The following GRIA1 variants were observed in gnomAD, a reference collection of about 807,000 sequenced individuals.
The protein encoded by GRIA1 is glutamate receptor 1.
GRIA1 carries 31 observed loss-of-function variants against 99.2 expected under a neutral mutation model. That is an observed-to-expected ratio of 0.31 (90% CI 0.23 to 0.42). The LOEUF (loss-of-function observed/expected upper bound fraction) is 0.42. Ranked by LOEUF, GRIA1 falls within the 10% of genes least tolerant of loss-of-function variation. The pLI is 1.00. For synonymous variants in GRIA1, 438 were observed against 432.4 expected (o/e 1.01, Z -0.16); for missense variants, 782 against 1,157.5 (o/e 0.68, Z 4.71).
intron 11 of GRIA1, among the ~76,000 whole-genome samples, chr5:153,726,617 G>A (rs1366276982): frequency 2.6e-5 from 4 of 152,236 alleles, no homozygotes; most frequent in East Asian, 3.9e-4. Flanking sequence ...ACACCTCTAC[G>A]CAAATAAACT....
chr5:153,794,770 G>A (rs748081445), intron 14 of GRIA1, 35 bp downstream of exon 14: 2 of 1,240,046 alleles, frequency 1.6e-6, no homozygotes, highest in East Asian at 2.3e-5. Flanking sequence ...AACCTAGTGG[G>A]TATGAAATAG....
chr5:153,616,809 A>G (rs1173605160), intron 2 of GRIA1, among the ~76,000 whole-genome samples: 3 of 152,122 alleles, frequency 2.0e-5, no homozygotes, highest in African/African-American at 7.2e-5. Context: ...TGTGGCTATT[A>G]AGATATCTGT....
intron 2 of GRIA1, among the ~76,000 whole-genome samples, chr5:153,557,199 C>A (rs1178751087): frequency 2.0e-5 from 3 of 152,106 alleles, no homozygotes; most frequent in East Asian, 1.9e-4. Flanking sequence ...CATTACTATG[C>A]ACTACTATAG....
intron 11 of GRIA1, among the ~76,000 whole-genome samples, chr5:153,745,604 A>AG (rs1561823702): frequency 4.6e-4 from 69 of 151,190 alleles, no homozygotes; most frequent in African/African-American, 1.6e-3. Context: ...AAAAAAAAAA[A>AG]AAAAAAAAGA....
chr5:153,666,172 TCATGAGAGGGTGAG>T lies in GRIA1; in HGVS notation c.700-8327_700-8314del, dbSNP rs1169110578. Reference sequence around the variant, plus strand: ...GACAGGATTGAAGCTTATAAAAAAATCATGAGAGGGTGAGAAGAAACTTTCTGTTCCTTCATTCC... The same window carrying T: ...GACAGGATTGAAGCTTATAAAAAAATAAGAAACTTTCTGTTCCTTCATTCC... On this transcript the variant is annotated intron_variant, in intron 5 of 15. Transcript: ENST00000285900. Among the ~76,000 whole-genome samples, 51 of 152,208 alleles carry T rather than the reference TCATGAGAGGGTGAG, an allele frequency of 3.4e-4. No homozygotes were observed. In the East Asian group the frequency reaches 9.9e-3, roughly 29 times the overall value.
At chr5:153,560,072 G>A (rs1278786261) in intron 2 of GRIA1, among the ~76,000 whole-genome samples, 1 of 152,144 alleles carries the variant, frequency 6.6e-6, no homozygotes, top group African/African-American at 2.4e-5. Context: ...AGTTTGCATA[G>A]TTTGTAAATG....
chr5:153,563,300 T>G (rs776573837), intron 2 of GRIA1, among the ~76,000 whole-genome samples: 1 of 152,210 alleles, frequency 6.6e-6, no homozygotes, highest in Non-Finnish European at 1.5e-5. Context: ...AGAGTTATTT[T>G]CCAGCCCACG....
chr5:153,811,363 G>A lies in GRIA1; in HGVS notation c.*138G>A. On this transcript the variant is annotated 3_prime_UTR_variant, in exon 16 of 16. Coordinates refer to ENST00000285900, the MANE Select transcript of GRIA1 (RefSeq NM_000827.4). ...CGACCACAAGAAGGATGATTCAACAGGTTTTCCTGAAGAATTGAAAAACCA... is the reference window on the plus strand; with the variant it reads ...CGACCACAAGAAGGATGATTCAACAAGTTTTCCTGAAGAATTGAAAAACCA... 2 of 640,058 alleles carry A rather than the reference G, an allele frequency of 3.1e-6. No individual in the cohort carries two copies. Among genetic ancestry groups the A allele is most frequent in the East Asian group, 5.5e-5 (2 of 36,092 alleles). The allele number at this position is 640,058 out of a possible 1,614,324, so 39.6% of individuals were successfully genotyped here.
chr5:153,776,992 T>C (rs1289659449), intron 13 of GRIA1, among the ~76,000 whole-genome samples: 3 of 152,122 alleles, frequency 2.0e-5, no homozygotes, highest in Non-Finnish European at 2.9e-5. Context: ...ACCCAGAAAA[T>C]AATTGGGAAA....
At chr5:153,671,119 T>A (rs906727195) in intron 5 of GRIA1, among the ~76,000 whole-genome samples, 2 of 152,174 alleles carry the variant, frequency 1.3e-5, no homozygotes, top group Admixed American at 6.5e-5. Context: ...GGGAGTCTTA[T>A]TAGTTTGATC....
At chr5:153,743,531 C>A (rs922862285) in intron 11 of GRIA1, among the ~76,000 whole-genome samples, 2 of 152,144 alleles carry the variant, frequency 1.3e-5, no homozygotes, top group East Asian at 1.9e-4. Context: ...CCACTGGGGA[C>A]CACTCTCAGT....
chr5:153,762,742 T>C (rs1254724898), intron 11 of GRIA1, among the ~76,000 whole-genome samples: 1 of 152,156 alleles, frequency 6.6e-6, no homozygotes, highest in Non-Finnish European at 1.5e-5. Context: ...CAAGTATATC[T>C]CTGTAAATGG....
At chr5:153,581,428 G>A (rs1200892793) in intron 2 of GRIA1, among the ~76,000 whole-genome samples, 2 of 152,060 alleles carry the variant, frequency 1.3e-5, no homozygotes, top group African/African-American at 2.4e-5. Context: ...CACTGTGCTT[G>A]AGCCACACTG....
At chr5:153,583,321 T>A (rs2149377734) in intron 2 of GRIA1, among the ~76,000 whole-genome samples, 1 of 152,238 alleles carries the variant, frequency 6.6e-6, no homozygotes, top group East Asian at 1.9e-4. Context: ...CAACAGAAAC[T>A]CATGGTCTCA....
chr5:153,490,888 T>C lies in GRIA1; in HGVS notation c.-1T>C. ...TCTTTTTCGCCAATGCAAAAAGGAA[T>C]ATGCAGCACATTTTTGCCTTCTTCT... On this transcript the variant is annotated 5_prime_UTR_variant, in exon 1 of 16. Transcript: ENST00000285900. 1 of 1,613,160 alleles carries C rather than the reference T, an allele frequency of 6.2e-7. No individual in the cohort carries two copies. The highest frequency in any genetic ancestry group is 8.5e-7 in the Non-Finnish European group (1 of 1,179,122).
At chr5:153,785,024 A>T (rs1764885558) in intron 13 of GRIA1, among the ~76,000 whole-genome samples, 1 of 152,266 alleles carries the variant, frequency 6.6e-6, no homozygotes, top group Admixed American at 6.5e-5. Context: ...AAATCCACCC[A>T]GAGAAGGTTT....
At chr5:153,742,769 C>T (rs1761897633) in intron 11 of GRIA1, among the ~76,000 whole-genome samples, 1 of 152,206 alleles carries the variant, frequency 6.6e-6, no homozygotes. Context: ...ATGTCTTCTT[C>T]TGTCTTACTC....
intron 5 of GRIA1, 58 bp downstream of exon 5, chr5:153,655,930 T>G (rs1754913511): frequency 2.1e-6 from 3 of 1,425,476 alleles, no homozygotes; most frequent in Non-Finnish European, 3.0e-6. Context: ...GGGCCCTACC[T>G]TGCTTCTGTT....
At chr5:153,712,396 A>G (rs1183824073) in intron 11 of GRIA1, among the ~76,000 whole-genome samples, 1 of 152,180 alleles carries the variant, frequency 6.6e-6, no homozygotes, top group East Asian at 1.9e-4. Flanking sequence ...ATGGTGGCCA[A>G]TGAGGACAGC....
Sources: gnomAD v4.1 joint callset for allele counts (sites outside exome capture counted in the v4.1 genomes callset) on GRCh38, gnomAD v4.1.1 for gene constraint, MANE v1.5 for transcripts, NCBI Gene and HGNC (gene_info 2026-07-23, HGNC 2026-07-21) for gene names.